The following PACRG variants were observed in gnomAD, a reference collection of about 807,000 sequenced individuals.
PACRG encodes the protein parkin coregulated gene protein.
PACRG carries 29 observed loss-of-function variants against 29.7 expected under a neutral mutation model. The observed-to-expected ratio is 0.98, with a 90% CI of 0.73 to 1.33. The LOEUF is 1.33. PACRG is among the 40% of genes most tolerant of loss of function. The pLI, the probability that PACRG is intolerant of heterozygous loss-of-function variation, is 0.00. For synonymous variants in PACRG, 116 were observed against 118.7 expected, an observed-to-expected ratio of 0.98 and a Z score of 0.15; for missense variants, 279 against 316.2, an observed-to-expected ratio of 0.88 and a Z score of 0.89.
intron 2 of PACRG, among the ~76,000 whole-genome samples, chr6:162,896,453 G>T (rs1167058579): frequency 6.6e-6 from 1 of 152,204 alleles, no homozygotes; most frequent in East Asian, 1.9e-4. Context: ...GCATCCCACG[G>T]TGCTGGCAGC....
At chr6:162,917,716 C>T (rs79911726) in intron 2 of PACRG, among the ~76,000 whole-genome samples, 3,071 of 152,090 alleles carry the variant, frequency 0.02, 47 homozygotes, top group South Asian at 0.049. Context: ...GTGGCACTGC[C>T]GGAGTTCTGA....
intron 2 of PACRG, among the ~76,000 whole-genome samples, chr6:162,920,315 A>G (rs1242612503): frequency 1.3e-5 from 2 of 152,172 alleles, no homozygotes; most frequent in East Asian, 3.8e-4. Flanking sequence ...AAAAGAAACA[A>G]TAGGATTGCT....
At chr6:163,096,711 G>A (rs911193671) in intron 4 of PACRG, among the ~76,000 whole-genome samples, 2 of 152,164 alleles carry the variant, frequency 1.3e-5, no homozygotes, top group African/African-American at 4.8e-5. Flanking sequence ...TTGTGGAATC[G>A]AGGGTAAGTG....
chr6:162,760,286 A>C (rs1782246080), intron 1 of PACRG, among the ~76,000 whole-genome samples: 1 of 152,230 alleles, frequency 6.6e-6, no homozygotes. Flanking sequence ...ATCAACATCC[A>C]AACATAAACA....
In PACRG at chr6:163,089,488, G is replaced by A. The variant is rs570501744; in HGVS notation, c.613+80G>A. Reference sequence around the variant, plus strand: ...TTGAAGTAGAGTTAATTAGCAACACGTTTAGGATTTATTATTGCATATAAA... The same window carrying A: ...TTGAAGTAGAGTTAATTAGCAACACATTTAGGATTTATTATTGCATATAAA... On this transcript the variant is annotated intron_variant, in intron 4 of 4. Transcript: ENST00000366888. 77 of 1,502,236 alleles carry A rather than the reference G, an allele frequency of 5.1e-5. No individual in the cohort carries two copies. The South Asian group carries it at 5.8e-4, about 11-fold the overall frequency. The allele number at this position is 1,502,236 out of a possible 1,614,324, so 93.1% of individuals were successfully genotyped here. A position where few individuals can be genotyped will look rare whatever the true frequency, so the allele number is the denominator to read the frequency against.
At chr6:162,836,794 T>G (rs1290674008) in intron 2 of PACRG, among the ~76,000 whole-genome samples, 1 of 152,180 alleles carries the variant, frequency 6.6e-6, no homozygotes, top group Non-Finnish European at 1.5e-5. Context: ...TCATGAATAT[T>G]AGGAAGAAAA....
At chr6:163,018,057 C>T (rs991379724) in intron 2 of PACRG, among the ~76,000 whole-genome samples, 1 of 152,078 alleles carries the variant, frequency 6.6e-6, no homozygotes, top group South Asian at 2.1e-4. Context: ...ATTTTTATCC[C>T]TTTCTCTTAG....
intron 2 of PACRG, among the ~76,000 whole-genome samples, chr6:162,995,570 C>G (rs1434418395): frequency 1.3e-5 from 2 of 152,230 alleles, no homozygotes; most frequent in African/African-American, 2.4e-5. Flanking sequence ...GCGCTTCCCA[C>G]GTGAGGCAAT....
At chr6:162,821,802 C>T (rs1429290617) in intron 2 of PACRG, among the ~76,000 whole-genome samples, 1 of 152,154 alleles carries the variant, frequency 6.6e-6, no homozygotes, top group Non-Finnish European at 1.5e-5. Flanking sequence ...GAACAGTTCG[C>T]TCCTGTCTTA....
chr6:162,801,791 A>G (rs2128341357), intron 1 of PACRG, among the ~76,000 whole-genome samples: 1 of 152,270 alleles, frequency 6.6e-6, no homozygotes, highest in African/African-American at 2.4e-5. Context: ...AGATTGTAGT[A>G]ATAATTAATA....
intron 1 of PACRG, among the ~76,000 whole-genome samples, chr6:162,756,690 T>A (rs1447573805): frequency 6.6e-6 from 1 of 152,036 alleles, no homozygotes; most frequent in African/African-American, 2.4e-5. Flanking sequence ...ATTTTGTAAA[T>A]TTTTTTTATT....
intron 4 of PACRG, among the ~76,000 whole-genome samples, chr6:163,119,673 A>G (rs758281578): frequency 2.0e-4 from 31 of 152,216 alleles, no homozygotes; most frequent in Non-Finnish European, 3.5e-4. Context: ...TGAATCTTGT[A>G]TTGAGTTGTT....
intron 4 of PACRG, among the ~76,000 whole-genome samples, chr6:163,163,663 G>C (rs1778663910): frequency 6.7e-6 from 1 of 150,190 alleles, no homozygotes; most frequent in South Asian, 2.1e-4. Context: ...TGTTATTCTT[G>C]TATCTGTGTT....
intron 2 of PACRG, among the ~76,000 whole-genome samples, chr6:163,036,907 T>C (rs914767767): frequency 7.5e-6 from 1 of 132,780 alleles, no homozygotes; most frequent in Non-Finnish European, 1.6e-5. Flanking sequence ...CATCCATCCA[T>C]CCATCCATTC....
intron 2 of PACRG, among the ~76,000 whole-genome samples, chr6:163,005,678 T>A (rs1459227498): frequency 6.6e-6 from 1 of 151,376 alleles, no homozygotes; most frequent in South Asian, 2.1e-4. Context: ...TACAAATGTA[T>A]TTGTTTATCT....
At chr6:163,254,860 C>A (rs540166007) in intron 4 of PACRG, among the ~76,000 whole-genome samples, 3 of 152,226 alleles carry the variant, frequency 2.0e-5, no homozygotes, top group Non-Finnish European at 4.4e-5. Context: ...GTTTTTAAAG[C>A]GTGGGCTGTA....
chr6:162,955,905 G>A (rs796533807), intron 2 of PACRG, among the ~76,000 whole-genome samples: 33 of 152,280 alleles, frequency 2.2e-4, no homozygotes, highest in African/African-American at 6.0e-4. Flanking sequence ...AGCCTTGTAC[G>A]TGTACACATG....
At chr6:162,976,905 A>T (rs73607890) in intron 2 of PACRG, among the ~76,000 whole-genome samples, 10,023 of 152,162 alleles carry the variant, frequency 0.066, 881 homozygotes, top group African/African-American at 0.2. Context: ...AATATAAAAA[A>T]ATACGCAAAA....
At chr6:163,127,320 C>T (rs530777830) in intron 4 of PACRG, among the ~76,000 whole-genome samples, 13 of 152,338 alleles carry the variant, frequency 8.5e-5, no homozygotes, top group Non-Finnish European at 5.9e-5. Flanking sequence ...CAAATTGCCT[C>T]GGCCTATTCC....
Sources: allele counts gnomAD v4.1 joint callset (sites outside exome capture counted in the v4.1 genomes callset), GRCh38; gene constraint gnomAD v4.1.1; transcripts MANE v1.5; gene names NCBI Gene and HGNC (gene_info 2026-07-23, HGNC 2026-07-21).